Variants in CALN1 observed in about 807,000 individuals in gnomAD.
CALN1 encodes the protein calcium-binding protein 8.
CALN1 carries 17 observed loss-of-function variants against 30.6 expected under a neutral mutation model. That is an observed-to-expected ratio of 0.56 (90% CI 0.38 to 0.83). CALN1 has a LOEUF of 0.83. Among genes scored for constraint, CALN1 ranks in the 40% least tolerant of loss-of-function variants. The probability of loss-of-function intolerance (pLI) is 0.00; values close to 1 mark genes in which losing one functional copy is unlikely to be tolerated. For synonymous variants in CALN1, 156 were observed against 131.4 expected (o/e 1.19, Z -1.28); for missense variants, 291 against 354.9 (o/e 0.82, Z 1.45).
chr7:72,187,938 C>T (rs1790317815), intron 3 of CALN1, among the ~76,000 whole-genome samples: 1 of 95,314 alleles, frequency 1.0e-5, no homozygotes, highest in African/African-American at 4.1e-5. Flanking sequence ...CTTACTCCCA[C>T]AAGAATGGCC....
chr7:72,306,945 C>T (rs1247204195), intron 2 of CALN1, among the ~76,000 whole-genome samples: 6 of 152,146 alleles, frequency 3.9e-5, no homozygotes, highest in African/African-American at 1.2e-4. Context: ...ACCCCATCTC[C>T]AGATAGCATC....
intron 3 of CALN1, among the ~76,000 whole-genome samples, chr7:72,242,443 CATT>C (rs1217855993): frequency 2.0e-5 from 3 of 152,072 alleles, no homozygotes; most frequent in Non-Finnish European, 2.9e-5. Flanking sequence ...GAGAACAACT[CATT>C]ATTTTTTGTA....
chr7:72,186,930 T>TTTCCC (rs1222018715), intron 3 of CALN1, among the ~76,000 whole-genome samples: 1 of 147,904 alleles, frequency 6.8e-6, no homozygotes, highest in Non-Finnish European at 1.5e-5. Flanking sequence ...TTTCTTTTCC[T>TTTCCC]TTGGGTTATA....
chr7:72,456,633 C>T, the CALN1 span, among the ~76,000 whole-genome samples: 2 of 152,126 alleles, frequency 1.3e-5, no homozygotes, highest in African/African-American at 4.8e-5. Context: ...TGGCAGACTG[C>T]TTGAGCCCAA....
At chr7:72,179,885 T>C (rs1441374854) in intron 3 of CALN1, among the ~76,000 whole-genome samples, 1 of 152,180 alleles carries the variant, frequency 6.6e-6, no homozygotes, top group Non-Finnish European at 1.5e-5. Flanking sequence ...ACATATACTG[T>C]TTGCTTATTA....
At chr7:71,913,670 A>T (rs1794543211) in intron 5 of CALN1, 1 of 152,444 alleles carries the variant, frequency 6.6e-6, no homozygotes, top group Non-Finnish European at 1.5e-5. Context: ...TCCTGGGCTC[A>T]AGTGATCCTC....
intron 5 of CALN1, among the ~76,000 whole-genome samples, chr7:71,850,794 A>G (rs991189237): frequency 2.0e-5 from 3 of 152,220 alleles, no homozygotes; most frequent in Non-Finnish European, 4.4e-5. Flanking sequence ...ACAGAATAAA[A>G]TCTATGTTAT....
chr7:71,869,213 C>CT lies in CALN1; in HGVS notation c.502-58722dup, dbSNP rs1263130281. On this transcript the variant is annotated intron_variant, in intron 5 of 6. Transcript: ENST00000395275. ...ACTTTTTCAAGACCTGGAAAAAACA[C>CT]TTTTTTTTTTTTTTGAGATGGAGTT... 8.5e-3 allele frequency among the ~76,000 whole-genome samples: 1,221 copies of CT among 144,426 alleles called. 11 individuals are homozygous for CT. The highest frequency in any genetic ancestry group is 0.019 in the African/African-American group (772 of 39,632). 94.7% of individuals were successfully genotyped at this position (144,426 alleles called of 152,430 possible).
At chr7:71,829,037 G>A (rs1331901216) in intron 5 of CALN1, among the ~76,000 whole-genome samples, 5 of 152,012 alleles carry the variant, frequency 3.3e-5, no homozygotes, top group East Asian at 1.9e-4. Context: ...GATCCACCGC[G>A]CCCGGCCACA....
At chr7:72,128,306 T>C (rs1295707979) in intron 3 of CALN1, among the ~76,000 whole-genome samples, 1 of 152,130 alleles carries the variant, frequency 6.6e-6, no homozygotes, top group Non-Finnish European at 1.5e-5. Flanking sequence ...AAATTTAGTA[T>C]ATAACGAGTG....
intron 3 of CALN1, among the ~76,000 whole-genome samples, chr7:72,259,822 T>A (rs991070551): frequency 6.6e-6 from 1 of 152,210 alleles, no homozygotes; most frequent in Admixed American, 6.5e-5. Context: ...CCCCTAACTA[T>A]GCAAAAGGGC....
intron 2 of CALN1, chr7:72,336,843 C>G: frequency 1.0e-6 from 1 of 985,116 alleles, no homozygotes; most frequent in Non-Finnish European, 1.2e-6. Context: ...TCGCTCACAC[C>G]CCCAGCAGGC....
At chr7:72,339,781 T>C (rs1000213206) in intron 2 of CALN1, among the ~76,000 whole-genome samples, 3 of 152,152 alleles carry the variant, frequency 2.0e-5, no homozygotes, top group Non-Finnish European at 2.9e-5. Flanking sequence ...GGAACTCCCA[T>C]TGATAAAACC....
intron 2 of CALN1, among the ~76,000 whole-genome samples, chr7:72,368,074 C>CT (rs1422750969): frequency 6.6e-6 from 1 of 151,816 alleles, no homozygotes; most frequent in Admixed American, 6.6e-5. Flanking sequence ...TGAGCCGAGA[C>CT]TGCGCCACTG....
intron 3 of CALN1, among the ~76,000 whole-genome samples, chr7:72,137,326 C>G (rs149554880): frequency 6.6e-6 from 1 of 152,132 alleles, no homozygotes; most frequent in Non-Finnish European, 1.5e-5. Flanking sequence ...GAACTTACAA[C>G]GGTGGTGTTT....
chr7:71,944,196 G>A (rs530174063), intron 5 of CALN1, among the ~76,000 whole-genome samples: 1 of 152,204 alleles, frequency 6.6e-6, no homozygotes, highest in South Asian at 2.1e-4. Context: ...CCTGTAATCC[G>A]AGCCCTCTGG....
rs10277606 is a variant in CALN1, at chr7:72,370,381, A to G, written c.119+32870T>C. On this transcript the variant is annotated intron_variant, in intron 2 of 6. Transcript: ENST00000395275. ...CAAAAGCTCTTCATATGCTTTAGAT[A>G]TAAGTCCTTTATAAGACATGTGATT... 8.0e-3 allele frequency among the ~76,000 whole-genome samples: 1,217 copies of G among 152,348 alleles called. 19 individuals are homozygous for G. Among genetic ancestry groups the G allele is most frequent in the African/African-American group, 0.028 (1,162 of 41,572 alleles).
At chr7:72,293,035 T>A (rs569629272) in intron 2 of CALN1, among the ~76,000 whole-genome samples, 1 of 152,228 alleles carries the variant, frequency 6.6e-6, no homozygotes, top group South Asian at 2.1e-4. Context: ...CCCACTCCTA[T>A]GCTTATCTCC....
intron 5 of CALN1, among the ~76,000 whole-genome samples, chr7:71,973,324 C>T (rs568788425): frequency 3.2e-4 from 48 of 152,204 alleles, no homozygotes; most frequent in Middle Eastern, 3.4e-3. Flanking sequence ...TACATGTGCG[C>T]ACCATCACGC....
Sources: gnomAD v4.1 joint callset for allele counts (sites outside exome capture counted in the v4.1 genomes callset) on GRCh38, gnomAD v4.1.1 for gene constraint, MANE v1.5 for transcripts, NCBI Gene and HGNC (gene_info 2026-07-23, HGNC 2026-07-21) for gene names.